Variants in LRRC36 observed in about 807,000 individuals in gnomAD.
LRRC36 encodes the protein leucine rich repeat containing 36, also known as leucine-rich repeat-containing protein 36.
Under a neutral mutation model 81.1 loss-of-function variants are expected in LRRC36, and 62 were observed. The observed-to-expected ratio is 0.76, with a 90% CI of 0.62 to 0.94. LRRC36 has a LOEUF of 0.94. Ranked by LOEUF, LRRC36 falls within the 40% of genes least tolerant of loss-of-function variation. The pLI, the probability that LRRC36 is intolerant of heterozygous loss-of-function variation, is 0.00. For missense variants in LRRC36, 761 were observed against 881.7 expected (o/e 0.86, Z 1.73); for synonymous variants, 334 against 348.6 (o/e 0.96, Z 0.47).
chr16:67,350,337 C>A (rs1222315398), intron 5 of LRRC36, 47 bp downstream of exon 5: 4 of 1,440,580 alleles, frequency 2.8e-6, no homozygotes, highest in Non-Finnish European at 2.9e-6. Context: ...CATCAGTTAT[C>A]TCAGCTGCCA....
In LRRC36 at chr16:67,374,487, C is replaced by T. The variant is rs529342259; in HGVS notation, c.1495-760C>T. Among the ~76,000 whole-genome samples, 5 of 152,076 alleles carry T rather than the reference C, an allele frequency of 3.3e-5. No homozygotes were observed. In the East Asian group the frequency reaches 7.8e-4, roughly 24 times the overall value. Reference sequence around the variant, plus strand: ...TCGGCTCACTGCAACCTCTGCCTCCCGAGTTTAAGCAATTCTCCTGCCTCA... The same window carrying T: ...TCGGCTCACTGCAACCTCTGCCTCCTGAGTTTAAGCAATTCTCCTGCCTCA... On this transcript the variant is annotated intron_variant, in intron 9 of 13. Transcript: ENST00000329956.
intron 8 of LRRC36, among the ~76,000 whole-genome samples, chr16:67,370,421 C>T (rs960484295): frequency 6.6e-6 from 1 of 152,086 alleles, no homozygotes; most frequent in African/African-American, 2.4e-5. Flanking sequence ...GCCAGCAGAT[C>T]ACTTGTGGCC....
In LRRC36 at chr16:67,367,181, T is replaced by C; in HGVS notation, c.919T>C (p.Leu307=). 1 of 1,614,184 alleles carries C rather than the reference T, an allele frequency of 6.2e-7. No homozygotes were observed. The change falls in exon 8 of 14, where the codon TTG becomes CTG. Residue 307 remains leucine (L), a synonymous_variant. Coordinates refer to ENST00000329956, the MANE Select transcript of LRRC36 (RefSeq NM_018296.6). ...TTTTCATCTTACCCATGATGCCTCATTGAGTAAATGCCTGGATGTGGGTGA... is the reference window on the plus strand; with the variant it reads ...TTTTCATCTTACCCATGATGCCTCACTGAGTAAATGCCTGGATGTGGGTGA... The part of the protein sequence containing the change: ...DTFHLTHDAS[L]SKCLDVGDSS...
At chr16:67,328,605 A>G (rs1442836640) in intron 1 of LRRC36, among the ~76,000 whole-genome samples, 1 of 152,196 alleles carries the variant, frequency 6.6e-6, no homozygotes, top group Non-Finnish European at 1.5e-5. Flanking sequence ...CCCTTCCTAA[A>G]GGCAATTACT....
At chr16:67,334,447 C>T (rs1160576474) in intron 1 of LRRC36, among the ~76,000 whole-genome samples, 1 of 152,162 alleles carries the variant, frequency 6.6e-6, no homozygotes, top group Non-Finnish European at 1.5e-5. Context: ...GCCTCAGCCT[C>T]CCAAGTAGCT....
At chr16:67,369,910 C>G (rs1478992849) in intron 8 of LRRC36, among the ~76,000 whole-genome samples, 2 of 152,140 alleles carry the variant, frequency 1.3e-5, no homozygotes, top group Admixed American at 6.5e-5. Context: ...GGTGGGGACA[C>G]AGCCAACCCA....
At chr16:67,337,735 G>T (rs927460139) in intron 1 of LRRC36, among the ~76,000 whole-genome samples, 1 of 151,860 alleles carries the variant, frequency 6.6e-6, no homozygotes. Flanking sequence ...TTCTGAATTT[G>T]TCTATTCTAA....
chr16:67,357,303 C>G (rs917748609), intron 5 of LRRC36, among the ~76,000 whole-genome samples: 1 of 152,116 alleles, frequency 6.6e-6, no homozygotes, highest in Non-Finnish European at 1.5e-5. Flanking sequence ...GGAAAAAAAC[C>G]ACCTCACCAA....
intron 5 of LRRC36, among the ~76,000 whole-genome samples, chr16:67,351,664 G>A (rs1453052349): frequency 1.3e-5 from 2 of 152,092 alleles, no homozygotes; most frequent in African/African-American, 4.8e-5. Flanking sequence ...CCCAGATTGC[G>A]CCACTGCACT....
intron 1 of LRRC36, among the ~76,000 whole-genome samples, chr16:67,340,246 A>G (rs1336864010): frequency 6.6e-6 from 1 of 152,158 alleles, no homozygotes; most frequent in Non-Finnish European, 1.5e-5. Flanking sequence ...TTATCTGCAA[A>G]CTGGATTCTG....
chr16:67,362,239 T>G, intron 5 of LRRC36: 1 of 450,610 alleles, frequency 2.2e-6, no homozygotes, highest in Non-Finnish European at 4.4e-6. Context: ...CTCGGCTCAC[T>G]GCAACCTCTA....
Position 67,367,416 on chromosome 16 carries a change from A to G in LRRC36, c.1154A>G (p.Asn385Ser). 1 of 1,613,864 alleles carries G rather than the reference A, an allele frequency of 6.2e-7. No homozygotes were observed. Among genetic ancestry groups the G allele is most frequent in the Non-Finnish European group, 8.5e-7 (1 of 1,179,796 alleles). Residue 385 changes from asparagine (N) to serine (S), a missense_variant, in exon 8 of 14, where the codon AAC becomes AGC. Coordinates refer to ENST00000329956, the MANE Select transcript of LRRC36 (RefSeq NM_018296.6). Reference protein sequence around the residue: ...SCGDLLTSLSNPDSSTGRLLK... With the variant: ...SCGDLLTSLSSPDSSTGRLLK... ...GGAGACTTATTAACTTCTCTGTCAA[A>G]CCCTGACTCCAGCACTGGAAGGCTT...
chr16:67,346,935 C>T (rs957264029), intron 3 of LRRC36, among the ~76,000 whole-genome samples: 2 of 151,974 alleles, frequency 1.3e-5, no homozygotes, highest in Non-Finnish European at 2.9e-5. Flanking sequence ...AGTGCAGTGG[C>T]ACGATCTTGG....
At chr16:67,348,649 A>C (rs2038470364) in intron 4 of LRRC36, 1 of 152,104 alleles carries the variant, frequency 6.6e-6, no homozygotes, top group Non-Finnish European at 1.5e-5. Flanking sequence ...ACAAGCTATC[A>C]TGAACATATC....
intron 1 of LRRC36, among the ~76,000 whole-genome samples, chr16:67,339,541 T>C (rs2037929250): frequency 6.6e-6 from 1 of 152,256 alleles, no homozygotes; most frequent in South Asian, 2.1e-4. Flanking sequence ...AAGATTTGAC[T>C]ATAATCCTTT....
At chr16:67,366,707 G>A (rs1024891912) in intron 7 of LRRC36, among the ~76,000 whole-genome samples, 5 of 151,526 alleles carry the variant, frequency 3.3e-5, no homozygotes, top group Admixed American at 2.6e-4. Flanking sequence ...CTGAGATTGC[G>A]CCACTGCACT....
chr16:67,334,394 G>A (rs1207701338), intron 1 of LRRC36, among the ~76,000 whole-genome samples: 3 of 151,826 alleles, frequency 2.0e-5, no homozygotes, highest in Non-Finnish European at 2.9e-5. Context: ...GCACGATCTC[G>A]GCTCACAGCA....
At chr16:67,356,019 G>A (rs868780976) in intron 5 of LRRC36, among the ~76,000 whole-genome samples, 1 of 152,202 alleles carries the variant, frequency 6.6e-6, no homozygotes, top group African/African-American at 2.4e-5. Context: ...GAAGGTTTAT[G>A]TTGGGTAGAA....
chr16:67,357,715 C>G (rs8055190), intron 5 of LRRC36, among the ~76,000 whole-genome samples: 1 of 152,012 alleles, frequency 6.6e-6, no homozygotes, highest in Non-Finnish European at 1.5e-5. Flanking sequence ...GAAGAGCAAA[C>G]GGCTGAAGTG....
Sources: allele counts gnomAD v4.1 joint callset (sites outside exome capture counted in the v4.1 genomes callset), GRCh38; gene constraint gnomAD v4.1.1; transcripts MANE v1.5; gene names NCBI Gene and HGNC (gene_info 2026-07-23, HGNC 2026-07-21).